HOMER1: variants seen among roughly 807,000 people sequenced by gnomAD.
The protein encoded by HOMER1 is homer protein homolog 1.
A neutral mutation model predicts 48.9 loss-of-function variants in HOMER1; 3 were observed. The ratio of observed to expected loss-of-function variants is 0.06; its 90% CI spans 0.03 to 0.16. The LOEUF is 0.16. HOMER1 is among the 10% of genes least tolerant of loss of function. The pLI is 1.00. For synonymous variants in HOMER1, 134 were observed against 146.4 expected (o/e 0.92, Z 0.61); for missense variants, 247 against 411.4 (o/e 0.60, Z 3.46).
rs140440215 is a variant in HOMER1, at chr5:79,461,527, G to A, written c.6-4509C>T. On this transcript the variant is annotated intron_variant, in intron 1 of 8. Coordinates refer to ENST00000334082, the MANE Select transcript of HOMER1 (RefSeq NM_004272.5). Reference sequence around the variant, plus strand: ...TGTTATATTCTAAAATATTTATAACGTACATTAGCATGTTAAAGGTTCTGA... The same window carrying A: ...TGTTATATTCTAAAATATTTATAACATACATTAGCATGTTAAAGGTTCTGA... 2.5e-3 allele frequency among the ~76,000 whole-genome samples: 373 copies of A among 152,214 alleles called. 5 individuals carry two copies. Among genetic ancestry groups the A allele is most frequent in the Non-Finnish European group, 1.3e-3 (90 of 68,022 alleles).
chr5:79,416,182 C>A (rs1003430769), intron 5 of HOMER1, among the ~76,000 whole-genome samples: 24 of 152,100 alleles, frequency 1.6e-4, no homozygotes, highest in African/African-American at 5.3e-4. Flanking sequence ...TTAAATCAAA[C>A]CCAGTCAATG....
At chr5:79,503,951 G>A (rs192367185) in intron 1 of HOMER1, among the ~76,000 whole-genome samples, 2 of 152,088 alleles carry the variant, frequency 1.3e-5, no homozygotes, top group African/African-American at 4.8e-5. Context: ...TTGTTCAAGG[G>A]CATCTGTACT....
chr5:79,472,618 T>C (rs927231726), intron 1 of HOMER1, among the ~76,000 whole-genome samples: 1 of 145,244 alleles, frequency 6.9e-6, no homozygotes, highest in African/African-American at 2.5e-5. Flanking sequence ...CTACTAAAAA[T>C]AAAAAAAAAA....
rs532106072 is a variant in HOMER1, at chr5:79,374,908, G to C, written c.*1101C>G. 16 of 151,998 alleles carry C rather than the reference G, an allele frequency of 1.1e-4. No homozygotes were observed. The highest frequency in any genetic ancestry group is 2.4e-4 in the Non-Finnish European group (16 of 67,910). The allele number at this position is 151,998 out of a possible 1,614,324, so 9.4% of individuals were successfully genotyped here. ...GTTTGAATCAAGATGTGATTGATGT[G>C]TAGAGCCAGATAGAGTACATGACTC... On this transcript the variant is annotated 3_prime_UTR_variant, in exon 9 of 9. Coordinates refer to ENST00000334082, the MANE Select transcript of HOMER1 (RefSeq NM_004272.5).
chr5:79,427,212 T>C (rs146005133), intron 5 of HOMER1, among the ~76,000 whole-genome samples: 1 of 152,276 alleles, frequency 6.6e-6, no homozygotes, highest in African/African-American at 2.4e-5. Context: ...ATTTATATAA[T>C]GCAATAAGGA....
At chr5:79,476,157 G>T (rs1386877908) in intron 1 of HOMER1, among the ~76,000 whole-genome samples, 1 of 152,096 alleles carries the variant, frequency 6.6e-6, no homozygotes, top group Non-Finnish European at 1.5e-5. Context: ...TGCATTGATG[G>T]CACTGCTCAT....
chr5:79,421,269 C>T (rs1011467909), intron 5 of HOMER1, among the ~76,000 whole-genome samples: 4 of 152,202 alleles, frequency 2.6e-5, no homozygotes, highest in African/African-American at 9.7e-5. Flanking sequence ...GGTTGAGATA[C>T]CCTTACATTC....
In HOMER1 at chr5:79,465,667, A is replaced by G. The variant is rs538024570; in HGVS notation, c.6-8649T>C. On this transcript the variant is annotated intron_variant, in intron 1 of 8. Coordinates refer to ENST00000334082, the MANE Select transcript of HOMER1 (RefSeq NM_004272.5). ...GAGTGCAGTGGTGCAATCTTGGCTC[A>G]CTGCAAGCTCCACCTCCCAGGTTCA... 8.6e-5 allele frequency among the ~76,000 whole-genome samples: 11 copies of G among 128,540 alleles called. No individual in the cohort carries two copies. The East Asian group carries it at 2.6e-3, about 31-fold the overall frequency. The allele number at this position is 128,540 out of a possible 152,430, so 84.3% of individuals were successfully genotyped here.
At chr5:79,458,220 C>T (rs1269893846) in intron 1 of HOMER1, among the ~76,000 whole-genome samples, 1 of 151,988 alleles carries the variant, frequency 6.6e-6, no homozygotes, top group Non-Finnish European at 1.5e-5. Flanking sequence ...ATAATAGAAG[C>T]ATCGTAATTC....
chr5:79,423,575 GGCTAATCT>G (rs561056511), intron 5 of HOMER1, among the ~76,000 whole-genome samples: 55 of 152,102 alleles, frequency 3.6e-4, no homozygotes, highest in Non-Finnish European at 7.4e-4. Context: ...AGACAGAAAT[GGCTAATCT>G]GCCTTATGTA....
At chr5:79,466,496 C>A (rs1751468277) in intron 1 of HOMER1, among the ~76,000 whole-genome samples, 1 of 131,624 alleles carries the variant, frequency 7.6e-6, no homozygotes, top group South Asian at 2.6e-4. Flanking sequence ...GACCCTGTCT[C>A]AAAAATAATA....
chr5:79,457,835 A>G (rs776226508), intron 1 of HOMER1, among the ~76,000 whole-genome samples: 1 of 152,194 alleles, frequency 6.6e-6, no homozygotes, highest in African/African-American at 2.4e-5. Context: ...AGATGTGAAT[A>G]ATGAGAATAA....
At chr5:79,482,048 A>G (rs1353936216) in intron 1 of HOMER1, among the ~76,000 whole-genome samples, 1 of 151,936 alleles carries the variant, frequency 6.6e-6, no homozygotes, top group African/African-American at 2.4e-5. Flanking sequence ...GTGAAACCCC[A>G]TCTCTCCTAA....
At chr5:79,493,447 C>A (rs1480033787) in intron 1 of HOMER1, among the ~76,000 whole-genome samples, 1 of 152,168 alleles carries the variant, frequency 6.6e-6, no homozygotes, top group Non-Finnish European at 1.5e-5. Context: ...ATGTAAGCTC[C>A]ATGAAGGCAA....
At chr5:79,451,614 G>GACA (rs1580459409) in intron 2 of HOMER1, among the ~76,000 whole-genome samples, 1 of 137,178 alleles carries the variant, frequency 7.3e-6, no homozygotes, top group East Asian at 2.3e-4. Flanking sequence ...CGCCCAGGCT[G>GACA]GAGTGCAGTG....
intron 5 of HOMER1, among the ~76,000 whole-genome samples, chr5:79,436,664 G>C (rs1750592286): frequency 6.6e-6 from 1 of 152,046 alleles, no homozygotes. Flanking sequence ...AGCCACGAAT[G>C]GCCTATTAAA....
intron 5 of HOMER1, among the ~76,000 whole-genome samples, chr5:79,421,798 G>A (rs1377968924): frequency 2.0e-5 from 3 of 151,892 alleles, no homozygotes; most frequent in Non-Finnish European, 4.4e-5. Flanking sequence ...AGTAGACACG[G>A]TGTTTCTCCA....
intron 1 of HOMER1, among the ~76,000 whole-genome samples, chr5:79,480,098 G>A (rs1751905398): frequency 6.6e-6 from 1 of 151,464 alleles, no homozygotes; most frequent in African/African-American, 2.4e-5. Flanking sequence ...ATGTCATTTA[G>A]AAATAACACT....
chr5:79,486,136 A>C (rs1752094924), intron 1 of HOMER1, among the ~76,000 whole-genome samples: 1 of 152,208 alleles, frequency 6.6e-6, no homozygotes, highest in South Asian at 2.1e-4. Context: ...GCCAAGAGTA[A>C]AGACTATCTT....
Sources: allele counts gnomAD v4.1 joint callset (sites outside exome capture counted in the v4.1 genomes callset), GRCh38; gene constraint gnomAD v4.1.1; transcripts MANE v1.5; gene names NCBI Gene and HGNC (gene_info 2026-07-23, HGNC 2026-07-21).